The following ARHGEF4 variants were observed in gnomAD, a reference collection of about 807,000 sequenced individuals.
ARHGEF4 encodes the protein Rho guanine nucleotide exchange factor 4.
ARHGEF4 carries 119 observed loss-of-function variants against 162.0 expected under a neutral mutation model. The observed-to-expected ratio is 0.73, with a 90% CI of 0.63 to 0.86. The LOEUF is 0.86. Among genes scored for constraint, ARHGEF4 ranks in the 40% least tolerant of loss-of-function variants. The pLI is 0.00. For missense variants in ARHGEF4, 2,488 were observed against 2,456.0 expected (o/e 1.01, Z -0.28); for synonymous variants, 1,014 against 979.9 (o/e 1.03, Z -0.65).
rs1362041209 is a variant in ARHGEF4 at position 130,998,365 on chromosome 2, G to T, written c.3986-29580G>T. On this transcript the variant is annotated intron_variant, in intron 4 of 13. Transcript: ENST00000409359. ...TGGTGTGTTGGTTAGGGTTCACTTT[G>T]TGTGTTTATATCCTATGAGATTTGA... Among the ~76,000 whole-genome samples, 3 of 152,130 alleles carry T rather than the reference G, an allele frequency of 2.0e-5. No homozygotes were observed. In the East Asian group the frequency reaches 5.8e-4, roughly 29 times the overall value.
At chr2:131,029,386 T>C (rs2105371724) in intron 5 of ARHGEF4, among the ~76,000 whole-genome samples, 1 of 152,178 alleles carries the variant, frequency 6.6e-6, no homozygotes, top group African/African-American at 2.4e-5. Context: ...AGTCGTTAAA[T>C]AATGCGCTAC....
chr2:130,914,916 C>A lies in ARHGEF4; in HGVS notation c.970C>A (p.Pro324Thr). 1 of 1,528,602 alleles carries A rather than the reference C, an allele frequency of 6.5e-7. No individual in the cohort carries two copies. The allele number at this position is 1,528,602 out of a possible 1,614,324, so 94.7% of individuals were successfully genotyped here. Residue 324 changes from proline (P) to threonine (T), a missense_variant, in exon 2 of 14, where the codon CCC becomes ACC. Physicochemically the swap from Pro to Thr is conservative, Grantham distance 38. Around this residue, in one of 6 missense-constraint regions of ARHGEF4, gnomAD observed 1,642 missense variants for 1,481.5 expected, o/e 1.11. Transcript: ENST00000409359. ...TACTGGTGACAAGAACAGGGCATCC[C>A]CCAGACTCAACTGTGGGCACATGAG... ...ETTGDKNRAS[P>T]RLNCGHMRAL...
chr2:130,892,769 T>C (rs1679930990), intron 1 of ARHGEF4, among the ~76,000 whole-genome samples: 1 of 152,096 alleles, frequency 6.6e-6, no homozygotes, highest in Admixed American at 6.5e-5. Context: ...TGTCTGTCCC[T>C]GGGCCCCTCT....
At chr2:130,874,365 A>G (rs1678691513) in intron 1 of ARHGEF4, among the ~76,000 whole-genome samples, 4 of 152,192 alleles carry the variant, frequency 2.6e-5, no homozygotes, top group Admixed American at 2.6e-4. Flanking sequence ...TCTGTTCCCA[A>G]GTCATTCTGC....
chr2:131,024,401 G>A (rs1397039423), intron 4 of ARHGEF4, among the ~76,000 whole-genome samples: 4 of 38,680 alleles, frequency 1.0e-4, no homozygotes, highest in Non-Finnish European at 1.0e-3. Context: ...TCAGCCTCCT[G>A]AGTAGCTAGG....
intron 1 of ARHGEF4, among the ~76,000 whole-genome samples, chr2:130,874,578 T>A (rs1298914496): frequency 2.0e-5 from 3 of 152,226 alleles, no homozygotes; most frequent in African/African-American, 7.2e-5. Context: ...AGTTAAACTT[T>A]TTAAGGAGAT....
At chr2:131,002,552 T>C (rs1385752724) in intron 4 of ARHGEF4, among the ~76,000 whole-genome samples, 2 of 151,624 alleles carry the variant, frequency 1.3e-5, no homozygotes, top group Non-Finnish European at 2.9e-5. Context: ...CTACTAAAAA[T>C]ACAAAAAATT....
intron 4 of ARHGEF4, among the ~76,000 whole-genome samples, chr2:130,947,874 C>G (rs933883743): frequency 6.6e-6 from 1 of 152,156 alleles, no homozygotes; most frequent in African/African-American, 2.4e-5. Flanking sequence ...AGGTGGTGAC[C>G]TTACAGTCTA....
intron 1 of ARHGEF4, among the ~76,000 whole-genome samples, chr2:130,853,428 T>A (rs897685374): frequency 1.3e-5 from 2 of 152,202 alleles, no homozygotes; most frequent in African/African-American, 4.8e-5. Flanking sequence ...AGGCATCTCG[T>A]GCAGCCACCT....
chr2:130,890,009 T>G (rs1454480287), intron 1 of ARHGEF4, among the ~76,000 whole-genome samples: 4 of 152,140 alleles, frequency 2.6e-5, no homozygotes, highest in African/African-American at 9.7e-5. Flanking sequence ...CTGGCTGAAT[T>G]TAAGATACCT....
chr2:130,879,900 T>C lies in ARHGEF4; in HGVS notation c.40-34086T>C, dbSNP rs537736618. On this transcript the variant is annotated intron_variant, in intron 1 of 13. Coordinates refer to ENST00000409359, the MANE Select transcript of ARHGEF4 (RefSeq NM_001367493.1). Reference sequence around the variant, plus strand: ...CTCAAGGGCTTCTCCTGCCTCAGCCTCCTGAGTAGCTGGGACTACAGATGA... The same window carrying C: ...CTCAAGGGCTTCTCCTGCCTCAGCCCCCTGAGTAGCTGGGACTACAGATGA... 2.9e-3 allele frequency among the ~76,000 whole-genome samples: 441 copies of C among 152,284 alleles called. 1 individual carries two copies. The highest frequency in any genetic ancestry group is 4.7e-3 in the Non-Finnish European group (318 of 68,012).
At chr2:130,926,810 A>ATTTGTTTTT (rs1682319630) in intron 2 of ARHGEF4, among the ~76,000 whole-genome samples, 1 of 48,948 alleles carries the variant, frequency 2.0e-5, no homozygotes, top group Non-Finnish European at 3.6e-5. Flanking sequence ...CTTCTGGCTG[A>ATTTGTTTTT]TTTTTTTTTT....
intron 1 of ARHGEF4, among the ~76,000 whole-genome samples, chr2:130,869,446 G>A (rs983295355): frequency 6.6e-6 from 1 of 152,194 alleles, no homozygotes; most frequent in Non-Finnish European, 1.5e-5. Context: ...ACTGAAGAGG[G>A]AGTTACCCCT....
chr2:130,837,057 C>G, intron 1 of ARHGEF4, 65 bp downstream of exon 1: 1 of 1,219,428 alleles, frequency 8.2e-7, no homozygotes, highest in Non-Finnish European at 1.0e-6. Flanking sequence ...GGGAGGAGCA[C>G]AGCCCGCGCT....
At chr2:131,007,339 C>G (rs1688180648) in intron 4 of ARHGEF4, among the ~76,000 whole-genome samples, 1 of 152,220 alleles carries the variant, frequency 6.6e-6, no homozygotes, top group Admixed American at 6.5e-5. Context: ...TCTCCTCCAT[C>G]ATAGCCCTGC....
chr2:130,964,040 C>T (rs1315333964), intron 4 of ARHGEF4: 1 of 469,900 alleles, frequency 2.1e-6, no homozygotes, highest in Non-Finnish European at 2.8e-6. Context: ...CTCGGGCCCG[C>T]CTGCGTGCGG....
chr2:131,010,035 T>C (rs991941500), intron 4 of ARHGEF4, among the ~76,000 whole-genome samples: 20 of 152,196 alleles, frequency 1.3e-4, no homozygotes, highest in African/African-American at 4.6e-4. Context: ...ACATTCTACG[T>C]TCAGGTTTTG....
At chr2:131,025,786 C>T (rs56257053) in intron 4 of ARHGEF4, among the ~76,000 whole-genome samples, 454 of 152,286 alleles carry the variant, frequency 3.0e-3, no homozygotes, top group Non-Finnish European at 4.6e-3. Context: ...CCTGTTCAAG[C>T]TCCCTGAGAG....
chr2:131,030,296 C>T (rs1689763411), intron 5 of ARHGEF4, among the ~76,000 whole-genome samples: 2 of 152,156 alleles, frequency 1.3e-5, no homozygotes, highest in African/African-American at 2.4e-5. Context: ...ATGCTTTGGC[C>T]GAGAAAGGCC....
Sources: gnomAD v4.1 joint callset for allele counts (sites outside exome capture counted in the v4.1 genomes callset) on GRCh38, gnomAD v4.1.1 for gene constraint, gnomAD v4.1.1 regional missense constraint, MANE v1.5 for transcripts, NCBI Gene and HGNC (gene_info 2026-07-23, HGNC 2026-07-21) for gene names.